Variants in MADD observed in about 807,000 individuals in gnomAD.
The protein encoded by MADD is MAP kinase activating death domain.
A neutral mutation model predicts 176.7 loss-of-function variants in MADD; 109 were observed. That is an observed-to-expected ratio of 0.62 (90% CI 0.53 to 0.72). The LOEUF is 0.72. Among genes scored for constraint, MADD ranks in the 30% least tolerant of loss-of-function variants. MADD has a pLI of 0.00. For synonymous variants in MADD, 771 were observed against 771.3 expected (o/e 1.00, Z 0.01); for missense variants, 1,914 against 2,045.5 (o/e 0.94, Z 1.24).
chr11:47,301,560 G>A (rs747716905), intron 22 of MADD, among the ~76,000 whole-genome samples: 3 of 152,040 alleles, frequency 2.0e-5, no homozygotes, highest in South Asian at 4.1e-4. Context: ...TTGATGTGAC[G>A]TTTATTGCTA....
Position 47,276,192 on chromosome 11 carries a change from TA to T in MADD, c.954del (p.Glu319SerfsTer18), listed in dbSNP as rs933735923. On this transcript the variant is annotated frameshift_variant, in exon 4 of 33. Transcript: ENST00000402192. LOFTEE classifies it high-confidence loss of function. ...CTCCAGGTGCTAACCTGCATTCTGT[TA>T]GAGCACAAGGTGAGAGGCAAGCTTC... 1 of 1,607,548 alleles carries T rather than the reference TA, an allele frequency of 6.2e-7. No homozygotes were observed. The highest frequency in any genetic ancestry group is 8.5e-7 in the Non-Finnish European group (1 of 1,175,216).
chr11:47,322,373 C>T (rs543356286), intron 27 of MADD, among the ~76,000 whole-genome samples: 50 of 151,998 alleles, frequency 3.3e-4, no homozygotes, highest in Admixed American at 2.0e-3. Flanking sequence ...TTTGGGAGGC[C>T]GAGGCGGGCG....
At chr11:47,306,451 G>A (rs1215038469) in intron 22 of MADD, among the ~76,000 whole-genome samples, 1 of 152,220 alleles carries the variant, frequency 6.6e-6, no homozygotes, top group Non-Finnish European at 1.5e-5. Flanking sequence ...TCTCTGGAGG[G>A]AGCACAGCTG....
At chr11:47,279,119 G>A (rs1349994180) in intron 7 of MADD, 40 bp downstream of exon 7, 1 of 1,576,462 alleles carries the variant, frequency 6.3e-7, no homozygotes, top group Non-Finnish European at 8.7e-7. Context: ...AGTATTAGAT[G>A]CTGTGGGATT....
At chr11:47,324,107 C>T in intron 28 of MADD, 158 bp from the exon 32 acceptor site, 1 of 688,064 alleles carries the variant, frequency 1.5e-6, no homozygotes, top group South Asian at 1.7e-5. Flanking sequence ...ATCTATCATT[C>T]ATAACCTCAA....
At chr11:47,284,557 G>T in exon 12 of MADD, 1 of 1,613,734 alleles carries the variant, frequency 6.2e-7, no homozygotes, top group South Asian at 1.1e-5. Flanking sequence ...CATCCACGGA[G>T]CCAACTCTGT....
intron 30 of MADD, 73 bp downstream of exon 34, chr11:47,326,625 C>T: frequency 3.3e-6 from 5 of 1,514,964 alleles, no homozygotes; most frequent in Non-Finnish European, 4.4e-6. Flanking sequence ...TCTGTCCTCT[C>T]TTTGGGAAAT....
intron 15 of MADD, among the ~76,000 whole-genome samples, chr11:47,287,782 ATTTTTTTT>A (rs57417064): frequency 5.5e-5 from 3 of 55,032 alleles, no homozygotes; most frequent in Admixed American, 2.4e-4. Context: ...AGAAACATGT[ATTTTTTTT>A]TTTTTTTTTT....
chr11:47,329,150 A>G, exon 33 of MADD: 1 of 1,612,186 alleles, frequency 6.2e-7, no homozygotes, highest in Non-Finnish European at 8.5e-7. Flanking sequence ...TCTCTAGCTG[A>G]TGGAGAGGGG....
At chr11:47,284,193 G>C (rs778205512) in exon 11 of MADD, 2 of 1,613,424 alleles carry the variant, frequency 1.2e-6, no homozygotes, top group Non-Finnish European at 1.7e-6. Context: ...GTGATAGTAT[G>C]GATTATGACG....
intron 31 of MADD, chr11:47,327,040 T>G: frequency 7.8e-7 from 1 of 1,286,460 alleles, no homozygotes; most frequent in Non-Finnish European, 9.9e-7. Flanking sequence ...GTTTCGAGTT[T>G]AGAGGTGGTC....
chr11:47,285,021 T>G, exon 13 of MADD: 1 of 1,614,116 alleles, frequency 6.2e-7, no homozygotes, highest in Non-Finnish European at 8.5e-7. Context: ...CTCCCAGCAT[T>G]GGCAAATCGA....
At chr11:47,291,875 G>A (rs974789171) in intron 19 of MADD, among the ~76,000 whole-genome samples, 1 of 152,188 alleles carries the variant, frequency 6.6e-6, no homozygotes, top group African/African-American at 2.4e-5. Flanking sequence ...TTGCCATTCT[G>A]TCTGCTTTTC....
At chr11:47,314,654 G>A (rs1250702625) in intron 26 of MADD, among the ~76,000 whole-genome samples, 1 of 152,132 alleles carries the variant, frequency 6.6e-6, no homozygotes, top group Non-Finnish European at 1.5e-5. Flanking sequence ...TAGTGTTAAA[G>A]AAGAATACGT....
At chr11:47,274,134 T>C (rs926260994) in intron 2 of MADD, among the ~76,000 whole-genome samples, 158 bp downstream of exon 2, 2 of 152,208 alleles carry the variant, frequency 1.3e-5, no homozygotes, top group African/African-American at 4.8e-5. Context: ...AAAAACAAAA[T>C]CAGGTGGATT....
At chr11:47,276,599 G>A in intron 4 of MADD, 133 bp from the exon 5 acceptor site, 2 of 1,032,260 alleles carry the variant, frequency 1.9e-6, no homozygotes, top group South Asian at 3.0e-5. Context: ...TGGTGGGGCA[G>A]GGGGCAGTGG....
chr11:47,312,767 G>A (rs1302806890), intron 26 of MADD, among the ~76,000 whole-genome samples: 1 of 152,108 alleles, frequency 6.6e-6, no homozygotes, highest in Non-Finnish European at 1.5e-5. Flanking sequence ...TGCCAGTTGT[G>A]CTTGTAAATG....
At chr11:47,310,943 G>GT (rs2088455988) in intron 25 of MADD, among the ~76,000 whole-genome samples, 1 of 149,792 alleles carries the variant, frequency 6.7e-6, no homozygotes, top group South Asian at 2.1e-4. Context: ...CTCAGAATTT[G>GT]TTTTTCAGCA....
chr11:47,288,873 G>A (rs2062880952), intron 15 of MADD, 95 bp from the exon 16 acceptor site: 3 of 927,152 alleles, frequency 3.2e-6, no homozygotes, highest in Non-Finnish European at 3.4e-6. Context: ...CAAGCTTTGG[G>A]AGAATGCTCA....
Sources: allele counts gnomAD v4.1 joint callset (sites outside exome capture counted in the v4.1 genomes callset), GRCh38; gene constraint gnomAD v4.1.1; transcripts MANE v1.5; gene names NCBI Gene and HGNC (gene_info 2026-07-23, HGNC 2026-07-21).